Variants in CTNNBL1 observed in about 807,000 individuals in gnomAD.
The protein encoded by CTNNBL1 is beta-catenin-like protein 1.
Under a neutral mutation model 72.7 loss-of-function variants are expected in CTNNBL1, and 31 were observed. That is an observed-to-expected ratio of 0.43 (90% CI 0.32 to 0.58). The LOEUF is 0.58. Among genes scored for constraint, CTNNBL1 ranks in the 20% least tolerant of loss-of-function variants. CTNNBL1 has a pLI of 0.08. For missense variants in CTNNBL1, 534 were observed against 725.1 expected, an observed-to-expected ratio of 0.74 and a Z score of 3.03; for synonymous variants, 240 against 267.3, an observed-to-expected ratio of 0.90 and a Z score of 1.00.
At position 37,737,451 on chromosome 20, in the gene CTNNBL1, A is replaced by C. The variant is rs202008237; in HGVS notation, c.293A>C (p.Glu98Ala). ...TFEKRSYKNQELRIKFPDNPE... is the reference protein window; with the variant it reads ...TFEKRSYKNQALRIKFPDNPE... Reference sequence around the variant, plus strand: ...GAAAAGAGATCATATAAAAACCAAGAATTGCGGATTAAGTTTCCAGACAAT... The same window carrying C: ...GAAAAGAGATCATATAAAAACCAAGCATTGCGGATTAAGTTTCCAGACAAT... Residue 98 changes from glutamate to alanine, a missense_variant, in exon 3 of 16, where the codon GAA becomes GCA. Physicochemically the swap from Glu to Ala is moderately radical, Grantham distance 107. Transcript: ENST00000361383. The C allele has an allele frequency of 4.3e-6, 7 of 1,613,116 alleles. No homozygotes were observed. The highest frequency in any genetic ancestry group is 5.1e-6 in the Non-Finnish European group (6 of 1,179,332).
At chr20:37,770,219 T>A (rs2073509633) in intron 7 of CTNNBL1, among the ~76,000 whole-genome samples, 1 of 152,248 alleles carries the variant, frequency 6.6e-6, no homozygotes, top group Non-Finnish European at 1.5e-5. Context: ...AGAACTAGAC[T>A]TGTTTCTCAT....
chr20:37,859,351 C>T (rs1372855086), intron 13 of CTNNBL1, among the ~76,000 whole-genome samples: 3 of 150,442 alleles, frequency 2.0e-5, no homozygotes, highest in Non-Finnish European at 4.4e-5. Context: ...GAGCAAAACT[C>T]CATCTCAAAA....
intron 11 of CTNNBL1, among the ~76,000 whole-genome samples, chr20:37,819,446 G>C (rs2072086588): frequency 6.6e-6 from 1 of 152,120 alleles, no homozygotes; most frequent in Admixed American, 6.5e-5. Flanking sequence ...ATTATGAATA[G>C]GGTTTGTCTG....
intron 1 of CTNNBL1, among the ~76,000 whole-genome samples, chr20:37,717,247 T>C (rs1323365207): frequency 6.6e-6 from 1 of 152,244 alleles, no homozygotes; most frequent in African/African-American, 2.4e-5. Flanking sequence ...TAAATATTTC[T>C]TTGCCCACTT....
intron 11 of CTNNBL1, among the ~76,000 whole-genome samples, chr20:37,821,363 T>C (rs192187325): frequency 3.2e-4 from 49 of 152,342 alleles, no homozygotes; most frequent in African/African-American, 1.2e-3. Context: ...CCTTTTGTCC[T>C]TTATATCCCT....
At chr20:37,864,171 G>C (rs980116943) in intron 15 of CTNNBL1, among the ~76,000 whole-genome samples, 1 of 151,738 alleles carries the variant, frequency 6.6e-6, no homozygotes, top group African/African-American at 2.4e-5. Context: ...AGCCCATCTG[G>C]TTCTCCTTTT....
chr20:37,828,495 G>A (rs2072180149), intron 11 of CTNNBL1, among the ~76,000 whole-genome samples: 1 of 152,122 alleles, frequency 6.6e-6, no homozygotes, highest in Non-Finnish European at 1.5e-5. Flanking sequence ...GTGAGACCCT[G>A]GAAGGCAAAT....
rs200736115 is a variant in CTNNBL1, at chr20:37,717,614, TC to T, written c.31-15264del. 6.8e-4 allele frequency among the ~76,000 whole-genome samples: 101 copies of T among 149,172 alleles called. 3 individuals are homozygous for T. Among genetic ancestry groups the T allele is most frequent in the Middle Eastern group, 3.4e-3 (1 of 294 alleles). On this transcript the variant is annotated intron_variant, in intron 1 of 15. Transcript: ENST00000361383. Reference sequence around the variant, plus strand: ...TGAGGCAGGAATTTCTTTTTTCTTTTCTTTTTTTTTTTATTGATCATTCTTG... The same window carrying T: ...TGAGGCAGGAATTTCTTTTTTCTTTTTTTTTTTTTTTATTGATCATTCTTG...
intron 11 of CTNNBL1, among the ~76,000 whole-genome samples, chr20:37,813,619 A>G (rs886835183): frequency 1.3e-5 from 2 of 152,210 alleles, no homozygotes; most frequent in African/African-American, 4.8e-5. Context: ...CAGCATTACC[A>G]GAATTCTTAT....
intron 1 of CTNNBL1, among the ~76,000 whole-genome samples, chr20:37,699,143 CTCA>C (rs2072818432): frequency 6.6e-6 from 1 of 152,178 alleles, no homozygotes; most frequent in Non-Finnish European, 1.5e-5. Context: ...TATCTAAATC[CTCA>C]TAACAACCCT....
At chr20:37,717,612 TTTC>T (rs1194549610) in intron 1 of CTNNBL1, among the ~76,000 whole-genome samples, 2 of 151,720 alleles carry the variant, frequency 1.3e-5, no homozygotes, top group Admixed American at 6.6e-5. Context: ...TCTTTTTTCT[TTTC>T]TTTTTTTTTT....
At chr20:37,696,576 T>G (rs1488973196) in intron 1 of CTNNBL1, among the ~76,000 whole-genome samples, 1 of 148,488 alleles carries the variant, frequency 6.7e-6, no homozygotes, top group African/African-American at 2.5e-5. Flanking sequence ...CCTGAGTAGC[T>G]GGGATTACGG....
chr20:37,797,663 G>A (rs867172940), intron 10 of CTNNBL1, among the ~76,000 whole-genome samples: 33 of 152,090 alleles, frequency 2.2e-4, no homozygotes, highest in Middle Eastern at 3.4e-3. Context: ...TCGCACCCCC[G>A]CCTTTCTTAC....
intron 10 of CTNNBL1, among the ~76,000 whole-genome samples, chr20:37,791,365 A>T (rs2073724066): frequency 6.6e-6 from 1 of 152,236 alleles, no homozygotes; most frequent in African/African-American, 2.4e-5. Flanking sequence ...ATTCCACAGC[A>T]GTGTGTGAGA....
At chr20:37,720,946 C>T (rs1422109350) in intron 1 of CTNNBL1, among the ~76,000 whole-genome samples, 2 of 152,184 alleles carry the variant, frequency 1.3e-5, no homozygotes, top group Admixed American at 6.5e-5. Flanking sequence ...GCCGAGGAAG[C>T]TCACAAGTTT....
chr20:37,739,642 T>C (rs2073198079), intron 3 of CTNNBL1, among the ~76,000 whole-genome samples: 1 of 152,220 alleles, frequency 6.6e-6, no homozygotes, highest in Non-Finnish European at 1.5e-5. Context: ...CAGCATCTCT[T>C]TTCTTGTGTT....
Position 37,840,155 on chromosome 20 carries a change from C to T in CTNNBL1, c.1267C>T (p.Arg423Trp), listed in dbSNP as rs758391064. The T allele has an allele frequency of 3.7e-6, 6 of 1,613,670 alleles. No individual in the cohort carries two copies. Among genetic ancestry groups the T allele is most frequent in the East Asian group, 2.2e-5 (1 of 44,882 alleles). The change falls in exon 12 of 16, where the codon CGG becomes TGG. Residue 423 changes from arginine to tryptophan, a missense_variant. Transcript: ENST00000361383. ...SLLRNLRGQQRTRLLNKFTEN... is the reference protein window; with the variant it reads ...SLLRNLRGQQWTRLLNKFTEN... The stretch of plus-strand genomic sequence containing the variant: ...CCTGCGGAACCTGAGAGGGCAGCAG[C>T]GGACCCGGCTTCTGAATAAATTCAC...
intron 2 of CTNNBL1, among the ~76,000 whole-genome samples, chr20:37,733,833 C>T (rs1044894332): frequency 4.6e-5 from 7 of 152,186 alleles, no homozygotes; most frequent in Admixed American, 3.9e-4. Context: ...CTCAGCCTCC[C>T]ATGAAAACAG....
chr20:37,784,479 A>G (rs1475611170), intron 10 of CTNNBL1, among the ~76,000 whole-genome samples: 1 of 151,926 alleles, frequency 6.6e-6, no homozygotes, highest in Non-Finnish European at 1.5e-5. Flanking sequence ...CTTGCATTTT[A>G]TTGTTTGTGT....
Sources: allele counts gnomAD v4.1 joint callset (sites outside exome capture counted in the v4.1 genomes callset), GRCh38; gene constraint gnomAD v4.1.1; transcripts MANE v1.5; gene names NCBI Gene and HGNC (gene_info 2026-07-23, HGNC 2026-07-21).